The following RGS7 variants were observed in gnomAD, a reference collection of about 807,000 sequenced individuals.
The protein encoded by RGS7 is regulator of G protein signaling 7, also known as regulator of G-protein signaling 7.
In RGS7, 27 loss-of-function variants were observed where a neutral mutation model predicts 81.1. That is an observed-to-expected ratio of 0.33 (90% CI 0.25 to 0.46). RGS7 has a LOEUF of 0.46. RGS7 is among the 20% of genes least tolerant of loss of function. The pLI is 1.00. For missense variants in RGS7, 396 were observed against 607.4 expected, an observed-to-expected ratio of 0.65 and a Z score of 3.66; for synonymous variants, 208 against 207.7, an observed-to-expected ratio of 1.00 and a Z score of -0.01.
chr1:241,043,600 A>G (rs2060745251), intron 3 of RGS7, among the ~76,000 whole-genome samples: 1 of 142,240 alleles, frequency 7.0e-6, no homozygotes, highest in African/African-American at 2.7e-5. Context: ...TTTATATATT[A>G]TAATATTATA....
intron 3 of RGS7, among the ~76,000 whole-genome samples, chr1:241,018,884 G>A (rs2148686728): frequency 6.6e-6 from 1 of 152,064 alleles, no homozygotes; most frequent in East Asian, 1.9e-4. Flanking sequence ...TGCTCAAGTG[G>A]GGCAGAATTC....
intron 9 of RGS7, among the ~76,000 whole-genome samples, chr1:240,866,051 T>A (rs999490406): frequency 6.6e-6 from 1 of 152,212 alleles, no homozygotes; most frequent in African/African-American, 2.4e-5. Flanking sequence ...GTGCCTGAGA[T>A]CACTTCAAAA....
chr1:240,895,432 T>TC (rs200893851), intron 6 of RGS7, among the ~76,000 whole-genome samples: 19,246 of 151,614 alleles, frequency 0.13, 1,338 homozygotes, highest in Middle Eastern at 0.18. Context: ...ATGCTATCCC[T>TC]CCCCCCTCCT....
intron 3 of RGS7, among the ~76,000 whole-genome samples, chr1:241,037,814 C>T (rs1360713596): frequency 1.7e-4 from 26 of 151,698 alleles, no homozygotes; most frequent in Non-Finnish European, 4.4e-5. Context: ...ATGACTTTTG[C>T]AGCAAATTGG....
At chr1:241,341,483 T>G (rs1279393568) in intron 2 of RGS7, among the ~76,000 whole-genome samples, 3 of 152,118 alleles carry the variant, frequency 2.0e-5, no homozygotes, top group Non-Finnish European at 4.4e-5. Flanking sequence ...TGTAAAAGGC[T>G]ACAGGGAGTT....
In RGS7 at chr1:240,813,642, G is replaced by A. The variant is rs2103106480; in HGVS notation, c.932C>T (p.Thr311Ile). ...DPSNPWLSDD[T>I]TFWELEASKE... ...CCTTGCCTCAAGTTCCCAGAAAGTGGTGTCATCGGACAGCCATGGGTTAGA... is the reference window on the plus strand; with the variant it reads ...CCTTGCCTCAAGTTCCCAGAAAGTGATGTCATCGGACAGCCATGGGTTAGA... The change falls in exon 13 of 19, where the codon ACC (threonine) becomes ATC (isoleucine). Residue 311 changes from threonine (T) to isoleucine (I), a missense_variant. Coordinates refer to ENST00000440928, the MANE Select transcript of RGS7 (RefSeq NM_001364886.1). The A allele has an allele frequency of 1.2e-6, 2 of 1,612,940 alleles. No homozygotes were observed. The highest frequency in any genetic ancestry group is 1.1e-5 in the South Asian group (1 of 91,070).
At chr1:241,062,464 G>C (rs1446987536) in intron 3 of RGS7, among the ~76,000 whole-genome samples, 1 of 152,146 alleles carries the variant, frequency 6.6e-6, no homozygotes, top group Non-Finnish European at 1.5e-5. Context: ...TTTGATCAGA[G>C]AGACTGAGGT....
intron 3 of RGS7, among the ~76,000 whole-genome samples, chr1:241,096,075 C>T (rs2064230237): frequency 6.6e-6 from 1 of 152,174 alleles, no homozygotes; most frequent in East Asian, 1.9e-4. Flanking sequence ...AACTGCACTA[C>T]CCTCCTTTCA....
chr1:240,936,615 G>C lies in RGS7; in HGVS notation c.318C>G (p.Thr106=). 1 of 1,613,274 alleles carries C rather than the reference G, an allele frequency of 6.2e-7. No homozygotes were observed. The highest frequency in any genetic ancestry group is 8.5e-7 in the Non-Finnish European group (1 of 1,179,236). The stretch of plus-strand genomic sequence containing the variant: ...ATAAACTTACTTGAAACCGGTAAAA[G>C]GTGCCATCATCCTTGAGTGTGAGGA... ...DHVLTLKDDG[T]FYRFQTPYFW... Residue 106 remains threonine, a synonymous_variant, in exon 5 of 19, where the codon ACC becomes ACG. Transcript: ENST00000440928.
At chr1:241,150,156 T>G (rs1014996232) in intron 2 of RGS7, among the ~76,000 whole-genome samples, 1 of 152,130 alleles carries the variant, frequency 6.6e-6, no homozygotes, top group Non-Finnish European at 1.5e-5. Context: ...AGCAAAAAAA[T>G]AATAATCATT....
chr1:240,921,091 C>A (rs766352620), intron 6 of RGS7, among the ~76,000 whole-genome samples: 1 of 151,920 alleles, frequency 6.6e-6, no homozygotes, highest in Non-Finnish European at 1.5e-5. Flanking sequence ...GTGGAGAAGC[C>A]GTTGTCTTCA....
At chr1:241,290,182 C>T (rs10802947) in intron 2 of RGS7, among the ~76,000 whole-genome samples, 56,050 of 151,938 alleles carry the variant, frequency 0.37, 12,105 homozygotes, top group Non-Finnish European at 0.47. Context: ...TTAGGGAGTA[C>T]ATATTTAATA....
In RGS7 at chr1:240,985,207, C is replaced by T. The variant is rs75718592; in HGVS notation, c.176-2078G>A. On this transcript the variant is annotated intron_variant, in intron 3 of 18. Transcript: ENST00000440928. The stretch of plus-strand genomic sequence containing the variant: ...AGTGATCCTTGACCAATGTCGATTC[C>T]CAGATACACAAATCTTCCGCACAAG... 3.6e-3 allele frequency among the ~76,000 whole-genome samples: 551 copies of T among 152,304 alleles called. 9 individuals carry two copies. The East Asian group carries it at 0.055, about 15-fold the overall frequency.
At chr1:240,863,252 T>C (rs543917473) in intron 9 of RGS7, among the ~76,000 whole-genome samples, 3 of 152,146 alleles carry the variant, frequency 2.0e-5, no homozygotes, top group South Asian at 2.1e-4. Context: ...GGCGGGAGGA[T>C]CACTTGAGGC....
At chr1:241,024,152 C>T (rs770415699) in intron 3 of RGS7, among the ~76,000 whole-genome samples, 4 of 152,140 alleles carry the variant, frequency 2.6e-5, no homozygotes, top group South Asian at 2.1e-4. Context: ...CTAGCTTTGG[C>T]GGTCATGTCT....
At chr1:240,927,157 C>A (rs942172477) in intron 6 of RGS7, among the ~76,000 whole-genome samples, 1 of 152,148 alleles carries the variant, frequency 6.6e-6, no homozygotes, top group Non-Finnish European at 1.5e-5. Flanking sequence ...ACCTCTGCCT[C>A]CCAGGTTCAA....
intron 6 of RGS7, among the ~76,000 whole-genome samples, chr1:240,923,889 GA>G (rs1673994051): frequency 6.6e-6 from 1 of 152,046 alleles, no homozygotes; most frequent in South Asian, 2.1e-4. Context: ...ATTATTAATG[GA>G]TTATGCAGAT....
intron 3 of RGS7, among the ~76,000 whole-genome samples, chr1:241,073,459 T>C (rs1489257798): frequency 6.6e-6 from 1 of 152,226 alleles, no homozygotes; most frequent in South Asian, 2.1e-4. Flanking sequence ...ACAACAAATG[T>C]ACACTTTGGC....
chr1:241,320,793 T>C (rs1172806349), intron 2 of RGS7, among the ~76,000 whole-genome samples: 1 of 152,214 alleles, frequency 6.6e-6, no homozygotes, highest in African/African-American at 2.4e-5. Flanking sequence ...TGTTGAAGCA[T>C]GCACTTTCTG....
Sources: allele counts gnomAD v4.1 joint callset (sites outside exome capture counted in the v4.1 genomes callset), GRCh38; gene constraint gnomAD v4.1.1; transcripts MANE v1.5; gene names NCBI Gene and HGNC (gene_info 2026-07-23, HGNC 2026-07-21).